GRIP1: variants seen among roughly 807,000 people sequenced by gnomAD.
GRIP1 encodes the protein glutamate receptor-interacting protein 1.
In GRIP1, 45 loss-of-function variants were observed where a neutral mutation model predicts 129.9. The observed-to-expected ratio is 0.35, with a 90% confidence interval of 0.27 to 0.44. The LOEUF is 0.44. GRIP1 is among the 20% of genes least tolerant of loss of function. The pLI is 1.00. For synonymous variants in GRIP1, 530 were observed against 520.8 expected, an observed-to-expected ratio of 1.02 and a Z score of -0.24; for missense variants, 1,196 against 1,396.8, an observed-to-expected ratio of 0.86 and a Z score of 2.29.
chr12:66,483,902 C>T (rs1315403437), intron 7 of GRIP1, among the ~76,000 whole-genome samples: 3 of 151,576 alleles, frequency 2.0e-5, no homozygotes, highest in Non-Finnish European at 4.4e-5. Context: ...CTCTGTCGCC[C>T]AGGCTGGAGT....
intron 2 of GRIP1, among the ~76,000 whole-genome samples, chr12:66,594,933 G>C (rs528154102): frequency 6.6e-6 from 1 of 152,326 alleles, no homozygotes; most frequent in Non-Finnish European, 1.5e-5. Context: ...TGAGTCATTA[G>C]TCAGTCAGGA....
intron 7 of GRIP1, among the ~76,000 whole-genome samples, chr12:66,478,866 C>T (rs986370060): frequency 5.9e-5 from 9 of 152,082 alleles, no homozygotes; most frequent in African/African-American, 2.2e-4. Context: ...ACATCACACC[C>T]TGGTGCCTGT....
At chr12:66,596,531 G>C (rs1474127294) in intron 2 of GRIP1, among the ~76,000 whole-genome samples, 1 of 152,192 alleles carries the variant, frequency 6.6e-6, no homozygotes, top group Non-Finnish European at 1.5e-5. Context: ...AGAAATGGAT[G>C]CTATTGTGAA....
At chr12:66,372,234 A>G (rs75100202) in intron 22 of GRIP1, 5,614 of 458,194 alleles carry the variant, frequency 0.012, 290 homozygotes, top group African/African-American at 0.1. Flanking sequence ...ACTGTAAACT[A>G]CATTTTAAGC....
chr12:66,543,040 A>G (rs1440726712), intron 2 of GRIP1, among the ~76,000 whole-genome samples: 1 of 152,242 alleles, frequency 6.6e-6, no homozygotes, highest in Non-Finnish European at 1.5e-5. Context: ...AATGTGTATC[A>G]TAAAGGTTTT....
At chr12:66,998,612 A>G (rs2042504309) in intron 1 of GRIP1, among the ~76,000 whole-genome samples, 1 of 152,028 alleles carries the variant, frequency 6.6e-6, no homozygotes, top group Non-Finnish European at 1.5e-5. Context: ...ACACTTGCCC[A>G]TCACCCCACT....
intron 1 of GRIP1, among the ~76,000 whole-genome samples, chr12:66,860,080 T>C (rs1325343323): frequency 6.6e-6 from 1 of 152,098 alleles, no homozygotes; most frequent in East Asian, 1.9e-4. Context: ...TTCCAAAATT[T>C]ACAATTTAAT....
chr12:66,967,054 G>A (rs540293652), intron 1 of GRIP1, among the ~76,000 whole-genome samples: 1 of 152,154 alleles, frequency 6.6e-6, no homozygotes, highest in Admixed American at 6.5e-5. Flanking sequence ...TTTACCTATT[G>A]AAAGATATTT....
chr12:66,486,698 T>A (rs149825968), intron 7 of GRIP1, among the ~76,000 whole-genome samples: 98 of 152,278 alleles, frequency 6.4e-4, no homozygotes, highest in Admixed American at 3.9e-4. Context: ...CAGTTAAACC[T>A]CTTTCTTTTG....
chr12:67,064,553 G>A (rs1027178801), intron 1 of GRIP1, among the ~76,000 whole-genome samples: 4 of 152,128 alleles, frequency 2.6e-5, no homozygotes, highest in Non-Finnish European at 5.9e-5. Flanking sequence ...AAACAAAGCA[G>A]GCCCTAGATT....
At chr12:66,354,538 G>A (rs878979893) in intron 23 of GRIP1, among the ~76,000 whole-genome samples, 4 of 152,144 alleles carry the variant, frequency 2.6e-5, no homozygotes, top group African/African-American at 9.7e-5. Flanking sequence ...CTCAGTTAAC[G>A]TTTGAGGGGG....
chr12:66,851,376 T>C (rs1317978590), intron 1 of GRIP1, among the ~76,000 whole-genome samples: 3 of 152,086 alleles, frequency 2.0e-5, no homozygotes, highest in East Asian at 1.9e-4. Flanking sequence ...AATGCTATCA[T>C]GGCTAGAACA....
intron 15 of GRIP1, among the ~76,000 whole-genome samples, chr12:66,412,147 C>T (rs2057424322): frequency 6.6e-6 from 1 of 152,144 alleles, no homozygotes. Context: ...TAAGATACTA[C>T]AGGAGAAGAT....
At chr12:66,901,196 A>G (rs1055742956) in intron 1 of GRIP1, among the ~76,000 whole-genome samples, 1 of 152,270 alleles carries the variant, frequency 6.6e-6, no homozygotes, top group Admixed American at 6.5e-5. Flanking sequence ...TGTTTTGAAA[A>G]CAAAAACCAT....
At chr12:66,524,397 T>G (rs2061146154) in intron 5 of GRIP1, among the ~76,000 whole-genome samples, 1 of 152,096 alleles carries the variant, frequency 6.6e-6, no homozygotes, top group Non-Finnish European at 1.5e-5. Context: ...CTCAACTACA[T>G]GGAAACTGAA....
intron 1 of GRIP1, among the ~76,000 whole-genome samples, chr12:66,787,340 A>T (rs2038381530): frequency 6.6e-6 from 1 of 150,974 alleles, no homozygotes; most frequent in Admixed American, 6.6e-5. Context: ...TTGATTTTAA[A>T]CAATATTTAG....
rs551825752 is a variant in GRIP1 at position 66,929,247 on chromosome 12, C to T, written c.58+139803G>A. Among the ~76,000 whole-genome samples, 3 of 152,290 alleles carry T rather than the reference C, an allele frequency of 2.0e-5. No homozygotes were observed. In the South Asian group the frequency reaches 6.2e-4, roughly 32 times the overall value. On this transcript the variant is annotated intron_variant, in intron 1 of 1. Transcript: ENST00000643019. The stretch of plus-strand genomic sequence containing the variant: ...CTTCTCTCTAAAGGCTCTTCTAACT[C>T]TGCATGGCTGGTTTCATCCTATCAC...
At chr12:67,008,808 A>G (rs1368080152) in intron 1 of GRIP1, among the ~76,000 whole-genome samples, 2 of 152,200 alleles carry the variant, frequency 1.3e-5, no homozygotes, top group Non-Finnish European at 2.9e-5. Context: ...AGAAGAATCT[A>G]CAAATGTAGA....
intron 1 of GRIP1, among the ~76,000 whole-genome samples, chr12:66,975,994 A>G (rs1214184414): frequency 6.6e-6 from 1 of 152,196 alleles, no homozygotes; most frequent in Non-Finnish European, 1.5e-5. Context: ...TTCGAACTAA[A>G]TATTTAATGT....
Sources: allele counts gnomAD v4.1 joint callset (sites outside exome capture counted in the v4.1 genomes callset), GRCh38; gene constraint gnomAD v4.1.1; transcripts MANE v1.5; gene names NCBI Gene and HGNC (gene_info 2026-07-23, HGNC 2026-07-21).